The following MACF1 variants were observed in gnomAD, a reference collection of about 807,000 sequenced individuals.
MACF1 encodes the protein microtubule-actin cross-linking factor 1.
MACF1 carries 193 observed loss-of-function variants against 854.8 expected under a neutral mutation model. That is an observed-to-expected ratio of 0.23 (90% CI 0.20 to 0.25). The LOEUF (loss-of-function observed/expected upper bound fraction) is 0.25, where lower values mean the gene tolerates loss of function less well. MACF1 is among the 10% of genes least tolerant of loss of function. MACF1 has a pLI of 1.00. For synonymous variants in MACF1, 3,185 were observed against 3,226.7 expected, an observed-to-expected ratio of 0.99 and a Z score of 0.44; for missense variants, 7,722 against 8,929.1, an observed-to-expected ratio of 0.86 and a Z score of 5.45.
At chr1:39,417,243 C>T (rs1350372823) in intron 58 of MACF1, among the ~76,000 whole-genome samples, 1 of 152,174 alleles carries the variant, frequency 6.6e-6, no homozygotes, top group Non-Finnish European at 1.5e-5. Context: ...TTTGCTTTTT[C>T]TGTAATGGGA....
intron 35 of MACF1, among the ~76,000 whole-genome samples, chr1:39,325,616 G>A (rs1646595683): frequency 6.6e-6 from 1 of 152,174 alleles, no homozygotes; most frequent in Admixed American, 6.5e-5. Context: ...AGGTCCCAGT[G>A]GACATGCAAG....
rs958784149 is a variant in MACF1, at chr1:39,409,833, T to G, written c.15817-12541T>G. ...AGGAGCTTGGGCCATACTTGAAGAC[T>G]AGAGAGGCTGTGCCATTGTTATTAA... On this transcript the variant is annotated intron_variant, in intron 58 of 100. Transcript: ENST00000564288. This position sits in a 1 kb window ranked among gnomAD's most constrained non-coding sequence, Gnocchi z 4.2. 1 of 157,846 alleles carries G rather than the reference T, an allele frequency of 6.3e-6. No homozygotes were observed. Among genetic ancestry groups the G allele is most frequent in the African/African-American group, 2.4e-5 (1 of 41,562 alleles). The allele number at this position is 157,846 out of a possible 1,614,324, so 9.8% of individuals were successfully genotyped here.
chr1:39,161,524 G>C (rs1368382292), intron 2 of MACF1, among the ~76,000 whole-genome samples: 1 of 151,924 alleles, frequency 6.6e-6, no homozygotes, highest in Admixed American at 6.6e-5. Flanking sequence ...GGCAACAGTA[G>C]CAAAACCCTG....
At position 39,283,488 on chromosome 1, in the gene MACF1, T is replaced by C; in HGVS notation, c.888T>C (p.Pro296=). The change falls in exon 9 of 101, where the codon CCT becomes CCC. Residue 296 remains proline (P), a synonymous_variant. Transcript: ENST00000564288. This position sits in a 1 kb window ranked among gnomAD's most constrained non-coding sequence, Gnocchi z 4.5. ...TTTATGATGCCTTCCCTAAAGTTCC[T>C]GAGGGTGGAGAAGGGATCAGTGCTA... The part of the protein sequence containing the change: ...SSIYDAFPKV[P]EGGEGISATE... 1 of 1,610,410 alleles carries C rather than the reference T, an allele frequency of 6.2e-7. No individual in the cohort carries two copies. Among genetic ancestry groups the C allele is most frequent in the Non-Finnish European group, 8.5e-7 (1 of 1,176,586 alleles).
chr1:39,291,938 A>G lies in MACF1; in HGVS notation c.1814A>G (p.Asn605Ser), dbSNP rs774208209. ...QMKLERAEWG[N>S]DLPSVELQLE... ...AAACTGGAGCGAGCAGAGTGGGGCA[A>G]TGACCTGCCTAGTGTGGAGTTGCAG... Residue 605 changes from asparagine to serine, a missense_variant, in exon 16 of 101, where the codon AAT becomes AGT. Physicochemically the swap from Asn to Ser is conservative, Grantham distance 46. Coordinates refer to ENST00000564288, the MANE Select transcript of MACF1 (RefSeq NM_001394062.1). 8 of 1,613,974 alleles carry G rather than the reference A, an allele frequency of 5.0e-6. No homozygotes were observed. Among genetic ancestry groups the G allele is most frequent in the East Asian group, 2.2e-5 (1 of 44,878 alleles).
chr1:39,454,559 G>C (rs1244991526), intron 88 of MACF1, among the ~76,000 whole-genome samples: 1 of 152,136 alleles, frequency 6.6e-6, no homozygotes, highest in Non-Finnish European at 1.5e-5. Flanking sequence ...CTAGAACTTT[G>C]GGAGGCTTGA....
chr1:39,145,250 C>G (rs1643436409), intron 2 of MACF1, among the ~76,000 whole-genome samples: 2 of 152,170 alleles, frequency 1.3e-5, no homozygotes, highest in African/African-American at 2.4e-5. Context: ...TCCAGTCTTT[C>G]ACCATTCTCT....
chr1:39,402,327 G>A (rs1294062568), intron 58 of MACF1, among the ~76,000 whole-genome samples: 1 of 152,094 alleles, frequency 6.6e-6, no homozygotes, highest in East Asian at 1.9e-4. Context: ...CCCAGGGGGA[G>A]GCCCACATCA....
At chr1:39,147,838 T>C (rs1277711272) in intron 2 of MACF1, among the ~76,000 whole-genome samples, 1 of 152,232 alleles carries the variant, frequency 6.6e-6, no homozygotes, top group East Asian at 1.9e-4. Flanking sequence ...ACAGATATTG[T>C]TTCCTGGCTA....
At chr1:39,306,300 G>T (rs1234378031) in intron 23 of MACF1, among the ~76,000 whole-genome samples, 2 of 151,738 alleles carry the variant, frequency 1.3e-5, no homozygotes, top group Non-Finnish European at 2.9e-5. Context: ...GCTAATTTTT[G>T]TATTTTTAGT....
At chr1:39,268,161 G>A (rs184792898) in intron 6 of MACF1, among the ~76,000 whole-genome samples, 95 of 152,190 alleles carry the variant, frequency 6.2e-4, no homozygotes, top group African/African-American at 2.0e-3. Context: ...TCCCTTGCTG[G>A]TTAGTACCAG....
rs1647545623 is a variant in MACF1, at chr1:39,356,163, TCTC to T, written c.11425-1208_11425-1206del. Among the ~76,000 whole-genome samples the T allele has an allele frequency of 6.6e-5, 10 of 152,034 alleles. No individual in the cohort carries two copies. The South Asian group carries it at 2.1e-3, about 32-fold the overall frequency. ...ATGTTTCAAAACAAAAACTCACAGC[TCTC>T]CTCAAAGAACTCATATTCCATTGGA... On this transcript the variant is annotated intron_variant, in intron 44 of 100. Coordinates refer to ENST00000564288, the MANE Select transcript of MACF1 (RefSeq NM_001394062.1).
intron 2 of MACF1, among the ~76,000 whole-genome samples, chr1:39,086,595 C>T (rs765667704): frequency 6.6e-6 from 1 of 152,212 alleles, no homozygotes; most frequent in African/African-American, 2.4e-5. Context: ...TCTTTATGCC[C>T]TCTGCCTCCA....
chr1:39,324,142 A>G, intron 33 of MACF1, 51 bp from the exon 34 acceptor site: 1 of 1,532,616 alleles, frequency 6.5e-7, no homozygotes, highest in East Asian at 2.3e-5. Flanking sequence ...AAGTCGTGCC[A>G]GCCTAATAAA....
chr1:39,179,740 C>T (rs975891927), intron 2 of MACF1, among the ~76,000 whole-genome samples: 1 of 152,086 alleles, frequency 6.6e-6, no homozygotes, highest in African/African-American at 2.4e-5. Flanking sequence ...TGCTGCCAGG[C>T]GCGGTGGCTC....
chr1:39,296,010 A>G (rs1483454729), intron 20 of MACF1, 128 bp downstream of exon 20: 6 of 737,892 alleles, frequency 8.1e-6, no homozygotes, highest in African/African-American at 3.6e-5. Flanking sequence ...GCTTAAAACA[A>G]TAGTCATTTA....
At chr1:39,263,364 A>G (rs1256432602) in intron 6 of MACF1, among the ~76,000 whole-genome samples, 1 of 152,140 alleles carries the variant, frequency 6.6e-6, no homozygotes, top group Admixed American at 6.5e-5. Context: ...AAATGCTTTA[A>G]CACATTTTTT....
intron 2 of MACF1, among the ~76,000 whole-genome samples, chr1:39,114,981 G>A (rs1261414462): frequency 6.6e-6 from 1 of 152,176 alleles, no homozygotes; most frequent in African/African-American, 2.4e-5. Context: ...TTGAGAGGGG[G>A]AATATTGGGC....
chr1:39,394,132 G>A (rs1432527486), intron 58 of MACF1, among the ~76,000 whole-genome samples: 2 of 152,154 alleles, frequency 1.3e-5, no homozygotes, highest in Non-Finnish European at 2.9e-5. Context: ...CCTAATTCAG[G>A]TTGAGCAGAG....
Sources: gnomAD v4.1 joint callset for allele counts (sites outside exome capture counted in the v4.1 genomes callset) on GRCh38, gnomAD v4.1.1 for gene constraint, Gnocchi (gnomAD v3.1) non-coding constraint, MANE v1.5 for transcripts, NCBI Gene and HGNC (gene_info 2026-07-23, HGNC 2026-07-21) for gene names.